BPTF: variants seen among roughly 807,000 people sequenced by gnomAD.
The protein encoded by BPTF is bromodomain PHD finger transcription factor, also known as nucleosome-remodeling factor subunit BPTF.
BPTF carries 18 observed loss-of-function variants against 292.5 expected under a neutral mutation model. The observed-to-expected ratio is 0.06, with a 90% CI of 0.04 to 0.09. BPTF has a LOEUF of 0.09. Ranked by LOEUF, BPTF falls within the 10% of genes least tolerant of loss-of-function variation. The probability of loss-of-function intolerance (pLI) is 1.00; values close to 1 mark genes in which losing one functional copy is unlikely to be tolerated. For missense variants in BPTF, 2,726 were observed against 3,498.7 expected, an observed-to-expected ratio of 0.78 and a Z score of 5.57; for synonymous variants, 1,225 against 1,251.9, an observed-to-expected ratio of 0.98 and a Z score of 0.45.
At chr17:67,917,131 C>CCTTTTTTT (rs2063065953) in intron 11 of BPTF, among the ~76,000 whole-genome samples, 4 of 105,784 alleles carry the variant, frequency 3.8e-5, no homozygotes, top group African/African-American at 1.4e-4. Flanking sequence ...TGGTATTGTC[C>CCTTTTTTT]TTTTTTTTTT....
Position 67,912,756 on chromosome 17 carries a change from T to G in BPTF, c.4872T>G (p.Thr1624=). Residue 1624 remains threonine (T), a synonymous_variant, in exon 11 of 28, where the codon ACT becomes ACG. Coordinates refer to ENST00000306378, the MANE Select transcript of BPTF (RefSeq NM_182641.4). ...VSSTENCAKS[T]VTTTTTTVTK... ...CCACAGAAAATTGTGCAAAATCCACTGTCACAACCACCACTACAACAGTGA... is the reference window on the plus strand; with the variant it reads ...CCACAGAAAATTGTGCAAAATCCACGGTCACAACCACCACTACAACAGTGA... 1.2e-6 allele frequency: 2 copies of G among 1,614,132 alleles called. No individual in the cohort carries two copies.
intron 10 of BPTF, among the ~76,000 whole-genome samples, chr17:67,910,541 T>C (rs374501073): frequency 6.6e-6 from 1 of 152,304 alleles, no homozygotes; most frequent in East Asian, 1.9e-4. Flanking sequence ...GGCTCATGCC[T>C]GTAATCTCAG....
intron 23 of BPTF, among the ~76,000 whole-genome samples, chr17:67,953,521 G>A (rs2066593916): frequency 6.6e-6 from 1 of 150,968 alleles, no homozygotes; most frequent in Non-Finnish European, 1.5e-5. Flanking sequence ...GCCTCCCAAA[G>A]TGCTAGGATT....
Position 67,947,688 on chromosome 17 carries a change from T to C in BPTF, c.7618-38T>C, listed in dbSNP as rs182674144. The C allele has an allele frequency of 1.5e-5, 22 of 1,503,402 alleles. No homozygotes were observed. The Admixed American group carries it at 2.8e-4, about 19-fold the overall frequency. The allele number at this position is 1,503,402 out of a possible 1,614,324, so 93.1% of individuals were successfully genotyped here. A position where few individuals can be genotyped will look rare whatever the true frequency, so the allele number is the denominator to read the frequency against. On this transcript the variant is annotated intron_variant, in intron 21 of 27. Coordinates refer to ENST00000306378, the MANE Select transcript of BPTF (RefSeq NM_182641.4). ...TATCTGTGTACTAACCTGTGGTGAT[T>C]ATAAAATATGCGCTTTTGGATTTAT...
At chr17:67,962,035 C>T (rs12452598) in intron 24 of BPTF, among the ~76,000 whole-genome samples, 134,236 of 151,866 alleles carry the variant, frequency 0.88, 61,708 homozygotes, top group East Asian at 1. Context: ...CCCAGCTACT[C>T]GGGAGGCTGA....
rs1233645824 is a variant in BPTF, at chr17:67,874,806, A to C, written c.1661-11A>C. On this transcript the variant is annotated splice_polypyrimidine_tract_variant and intron_variant, in intron 3 of 27. Coordinates refer to ENST00000306378, the MANE Select transcript of BPTF (RefSeq NM_182641.4). ...TAGGAATAATTTTTTTGTTTGTTTT[A>C]CACATTATAGAAGAAATTTTGGAAT... The C allele has an allele frequency of 6.3e-7, 1 of 1,584,426 alleles. No individual in the cohort carries two copies. The highest frequency in any genetic ancestry group is 8.6e-7 in the Non-Finnish European group (1 of 1,163,402).
chr17:67,856,339 G>A (rs1424117554), intron 2 of BPTF, among the ~76,000 whole-genome samples: 1 of 151,836 alleles, frequency 6.6e-6, no homozygotes, highest in African/African-American at 2.4e-5. Context: ...TCCTGTTTCT[G>A]TGTCTTGGAT....
chr17:67,959,938 TGAA>T, intron 24 of BPTF, 63 bp downstream of exon 24: 2 of 1,223,686 alleles, frequency 1.6e-6, no homozygotes, highest in Non-Finnish European at 2.3e-6. Flanking sequence ...AATTGGATTT[TGAA>T]GAAAATGAAT....
chr17:67,898,398 A>T (rs2061590178), intron 7 of BPTF, among the ~76,000 whole-genome samples: 2 of 152,322 alleles, frequency 1.3e-5, no homozygotes, highest in South Asian at 4.1e-4. Context: ...CCTTTTGATC[A>T]TCTCATTAGA....
intron 1 of BPTF, among the ~76,000 whole-genome samples, chr17:67,840,763 A>G (rs528971971): frequency 1.3e-5 from 2 of 150,770 alleles, no homozygotes; most frequent in South Asian, 2.1e-4. Context: ...GGGTTTCACT[A>G]TGTTGCCCAG....
chr17:67,955,345 T>G (rs1463892704), intron 23 of BPTF: 1 of 149,702 alleles, frequency 6.7e-6, no homozygotes, highest in Non-Finnish European at 1.5e-5. Context: ...ACTAGTGTAG[T>G]TGGTGCATAG....
intron 2 of BPTF, among the ~76,000 whole-genome samples, chr17:67,858,825 C>G (rs1455227999): frequency 6.6e-6 from 1 of 152,188 alleles, no homozygotes; most frequent in African/African-American, 2.4e-5. Flanking sequence ...TGTCCTTACC[C>G]TTTGGATATT....
At chr17:67,975,623 T>C (rs6504563) in intron 26 of BPTF, 149 bp from the exon 27 acceptor site, 543,315 of 558,330 alleles carry the variant, frequency 0.97, 266,016 homozygotes, top group East Asian at 1. Context: ...TTTTGTTCTT[T>C]ATGAATTGCA....
intron 21 of BPTF, 145 bp from the exon 22 acceptor site, chr17:67,947,581 T>A (rs1391558974): frequency 1.6e-6 from 1 of 638,206 alleles, no homozygotes; most frequent in African/African-American, 1.9e-5. Flanking sequence ...ATCTGGTAGC[T>A]GCTAATTTTA....
At chr17:67,969,095 A>G in intron 26 of BPTF, among the ~76,000 whole-genome samples, 1 of 151,446 alleles carries the variant, frequency 6.6e-6, no homozygotes, top group Middle Eastern at 3.2e-3. Context: ...TGAGCCCAGG[A>G]GTTCAAGACC....
At chr17:67,913,795 A>G (rs1232500881) in intron 11 of BPTF, among the ~76,000 whole-genome samples, 2 of 152,178 alleles carry the variant, frequency 1.3e-5, no homozygotes, top group Non-Finnish European at 2.9e-5. Flanking sequence ...CGTCCTAAAT[A>G]GATAGTGTTG....
chr17:67,970,150 T>G (rs560625067), intron 26 of BPTF, among the ~76,000 whole-genome samples: 118 of 151,984 alleles, frequency 7.8e-4, no homozygotes, highest in African/African-American at 2.8e-3. Context: ...GGAGAATTGC[T>G]TGAACCTGGG....
Position 67,854,830 on chromosome 17 carries a change from T to A in BPTF, c.1436+68T>A. 9.0e-7 allele frequency: 1 copy of A among 1,108,098 alleles called. No homozygotes were observed. The highest frequency in any genetic ancestry group is 1.3e-6 in the Non-Finnish European group (1 of 757,944). The allele number at this position is 1,108,098 out of a possible 1,614,324, so 68.6% of individuals were successfully genotyped here. On this transcript the variant is annotated intron_variant, in intron 2 of 27. Transcript: ENST00000306378. The surrounding 1 kb of genome is among the most constrained non-coding windows in gnomAD (Gnocchi z 5.6). The stretch of plus-strand genomic sequence containing the variant: ...AGACTAGTTTCCTTCGTGATTGATG[T>A]AGCAGAGCTATGCTGTTGATGTGGT...
intron 1 of BPTF, among the ~76,000 whole-genome samples, chr17:67,827,037 A>C (rs190994144): frequency 6.6e-6 from 1 of 152,204 alleles, no homozygotes; most frequent in East Asian, 1.9e-4. Context: ...ACAAGACCCA[A>C]CCAAATTTGG....
Sources: gnomAD v4.1 joint callset for allele counts (sites outside exome capture counted in the v4.1 genomes callset) on GRCh38, gnomAD v4.1.1 for gene constraint, Gnocchi (gnomAD v3.1) non-coding constraint, MANE v1.5 for transcripts, NCBI Gene and HGNC (gene_info 2026-07-23, HGNC 2026-07-21) for gene names.